CNOT6L: variants seen among roughly 807,000 people sequenced by gnomAD.
CNOT6L encodes CCR4-NOT transcription complex subunit 6 like, also known as CCR4-NOT transcription complex subunit 6-like.
CNOT6L carries 7 observed loss-of-function variants against 64.0 expected under a neutral mutation model. The observed-to-expected ratio is 0.11, with a 90% CI of 0.06 to 0.21. CNOT6L has a LOEUF of 0.21. Ranked by LOEUF, CNOT6L falls within the 10% of genes least tolerant of loss-of-function variation. CNOT6L has a pLI of 1.00. For missense variants in CNOT6L, 245 were observed against 669.0 expected (o/e 0.37, Z 6.99); for synonymous variants, 193 against 243.4 (o/e 0.79, Z 1.93).
intron 1 of CNOT6L, among the ~76,000 whole-genome samples, chr4:77,804,443 A>AAG (rs755668039): frequency 6.6e-6 from 1 of 151,870 alleles, no homozygotes; most frequent in Non-Finnish European, 1.5e-5. Flanking sequence ...AAAAAAAAAA[A>AAG]GGAATGAAAT....
At chr4:77,797,625 G>A (rs1201741609) in intron 1 of CNOT6L, among the ~76,000 whole-genome samples, 2 of 152,128 alleles carry the variant, frequency 1.3e-5, no homozygotes, top group Non-Finnish European at 1.5e-5. Flanking sequence ...GAAACCATAA[G>A]GGGCTTCCTT....
At chr4:77,795,300 T>C (rs1176627739) in intron 1 of CNOT6L, among the ~76,000 whole-genome samples, 1 of 152,148 alleles carries the variant, frequency 6.6e-6, no homozygotes, top group Non-Finnish European at 1.5e-5. Flanking sequence ...ATTACAGGTG[T>C]GAGCCACTGC....
intron 7 of CNOT6L, among the ~76,000 whole-genome samples, chr4:77,743,838 G>C (rs192923615): frequency 1.9e-4 from 29 of 152,082 alleles, no homozygotes; most frequent in Admixed American, 6.5e-4. Flanking sequence ...TTGACCCCAA[G>C]GGATCCACCC....
intron 5 of CNOT6L, among the ~76,000 whole-genome samples, chr4:77,749,558 T>C (rs1330920984): frequency 6.6e-6 from 1 of 152,200 alleles, no homozygotes; most frequent in Non-Finnish European, 1.5e-5. Flanking sequence ...TAATATAATA[T>C]CAACATTTTG....
At chr4:77,780,586 C>G (rs1403960217) in intron 1 of CNOT6L, among the ~76,000 whole-genome samples, 1 of 152,166 alleles carries the variant, frequency 6.6e-6, no homozygotes, top group Non-Finnish European at 1.5e-5. Flanking sequence ...ACAAAGGCCT[C>G]AGAGACTCTG....
chr4:77,732,949 T>C (rs770291165), intron 8 of CNOT6L, among the ~76,000 whole-genome samples: 1 of 152,044 alleles, frequency 6.6e-6, no homozygotes, highest in Non-Finnish European at 1.5e-5. Context: ...ATTAGAAAGT[T>C]TGTGAGGTTA....
intron 7 of CNOT6L, 48 bp downstream of exon 7, chr4:77,744,670 T>C: frequency 6.6e-7 from 1 of 1,509,246 alleles, no homozygotes; most frequent in Middle Eastern, 2.1e-4. Context: ...TCTCTTATGT[T>C]TAAGTTCACC....
intron 1 of CNOT6L, among the ~76,000 whole-genome samples, chr4:77,790,456 G>A (rs895534398): frequency 2.0e-5 from 3 of 152,174 alleles, no homozygotes; most frequent in Admixed American, 6.5e-5. Flanking sequence ...CATATGGTAA[G>A]AGTATGCTTA....
chr4:77,729,123 A>T, intron 9 of CNOT6L, 42 bp from the exon 10 acceptor site: 1 of 1,494,016 alleles, frequency 6.7e-7, no homozygotes. Flanking sequence ...GTTATGCTTT[A>T]TGTTTGAAGA....
intron 6 of CNOT6L, 125 bp downstream of exon 6, chr4:77,748,191 C>T (rs955025762): frequency 5.9e-5 from 42 of 712,002 alleles, no homozygotes; most frequent in Non-Finnish European, 8.1e-5. Flanking sequence ...GTCTATCCAT[C>T]AGTATTTTTA....
chr4:77,811,847 G>T (rs1732977542), intron 1 of CNOT6L, among the ~76,000 whole-genome samples: 1 of 149,030 alleles, frequency 6.7e-6, no homozygotes, highest in African/African-American at 2.5e-5. Context: ...CTGCCTATGG[G>T]CTAGCCTTTC....
At chr4:77,807,668 T>A (rs1050564419) in intron 1 of CNOT6L, among the ~76,000 whole-genome samples, 1 of 152,104 alleles carries the variant, frequency 6.6e-6, no homozygotes, top group Non-Finnish European at 1.5e-5. Flanking sequence ...AGGGAATATG[T>A]GAGAGAGAGT....
chr4:77,730,298 ATCT>A (rs1722303229), intron 9 of CNOT6L, among the ~76,000 whole-genome samples: 1 of 152,102 alleles, frequency 6.6e-6, no homozygotes, highest in Non-Finnish European at 1.5e-5. Context: ...CTTCTAAGCG[ATCT>A]TCTTTTCCCA....
At chr4:77,796,921 AG>A (rs1468400114) in intron 1 of CNOT6L, among the ~76,000 whole-genome samples, 1 of 151,882 alleles carries the variant, frequency 6.6e-6, no homozygotes, top group Non-Finnish European at 1.5e-5. Context: ...TGTCTAACAG[AG>A]AAATACAAAA....
chr4:77,812,876 A>G (rs925932215), intron 1 of CNOT6L, among the ~76,000 whole-genome samples: 2 of 152,200 alleles, frequency 1.3e-5, no homozygotes, highest in Admixed American at 1.3e-4. Flanking sequence ...ACAATCTTGA[A>G]AAAGAAAAAA....
chr4:77,776,207 G>A, intron 2 of CNOT6L, 64 bp downstream of exon 2: 1 of 1,507,594 alleles, frequency 6.6e-7, no homozygotes, highest in East Asian at 2.3e-5. Context: ...AAAAAATATA[G>A]CAATACTCAA....
chr4:77,779,171 G>A (rs1230201292), intron 1 of CNOT6L, among the ~76,000 whole-genome samples: 1 of 150,334 alleles, frequency 6.7e-6, no homozygotes, highest in African/African-American at 2.4e-5. Flanking sequence ...CTATGTTTCT[G>A]TGTGGAGGCA....
At chr4:77,808,102 G>A (rs1160399136) in intron 1 of CNOT6L, among the ~76,000 whole-genome samples, 1 of 152,092 alleles carries the variant, frequency 6.6e-6, no homozygotes, top group African/African-American at 2.4e-5. Context: ...CAGCAAAAAA[G>A]AATATGCAAC....
At chr4:77,746,047 T>C (rs148021405) in intron 6 of CNOT6L, among the ~76,000 whole-genome samples, 1 of 152,206 alleles carries the variant, frequency 6.6e-6, no homozygotes, top group Admixed American at 6.5e-5. Context: ...TCCAAGCCAC[T>C]ACACTGTGAA....
Sources: gnomAD v4.1 joint callset for allele counts (sites outside exome capture counted in the v4.1 genomes callset) on GRCh38, gnomAD v4.1.1 for gene constraint, MANE v1.5 for transcripts, NCBI Gene and HGNC (gene_info 2026-07-23, HGNC 2026-07-21) for gene names.